Variants in COQ3 observed in about 807,000 individuals in gnomAD.
COQ3 encodes the protein coenzyme Q3, methyltransferase, also known as ubiquinone biosynthesis O-methyltransferase, mitochondrial.
COQ3 carries 29 observed loss-of-function variants against 33.1 expected under a neutral mutation model. That is an observed-to-expected ratio of 0.88 (90% confidence interval 0.65 to 1.19). COQ3 has a LOEUF of 1.19. Among genes scored for constraint, COQ3 ranks in the 50% most tolerant of loss-of-function variants. The pLI is 0.00. For missense variants in COQ3, 437 were observed against 430.7 expected, an observed-to-expected ratio of 1.01 and a Z score of -0.13; for synonymous variants, 173 against 157.8, an observed-to-expected ratio of 1.10 and a Z score of -0.72.
At chr6:99,379,971 G>A (rs1306062264) in intron 3 of COQ3, among the ~76,000 whole-genome samples, 1 of 151,970 alleles carries the variant, frequency 6.6e-6, no homozygotes, top group African/African-American at 2.4e-5. Context: ...ATACAAATAG[G>A]CTTCAAATTA....
intron 5 of COQ3, among the ~76,000 whole-genome samples, chr6:99,373,719 C>T (rs546471078): frequency 6.6e-6 from 1 of 152,240 alleles, no homozygotes; most frequent in East Asian, 1.9e-4. Flanking sequence ...GGGCTAGGCA[C>T]AGTAGCTCAC....
At chr6:99,393,742 T>C (rs1359143214) in intron 1 of COQ3, among the ~76,000 whole-genome samples, 2 of 152,224 alleles carry the variant, frequency 1.3e-5, no homozygotes, top group Admixed American at 1.3e-4. Flanking sequence ...GAGTTATTCC[T>C]GCCCCGGCAA....
chr6:99,384,851 T>A (rs1343688596), intron 1 of COQ3, among the ~76,000 whole-genome samples: 1 of 151,952 alleles, frequency 6.6e-6, no homozygotes, highest in African/African-American at 2.4e-5. Context: ...TGGCTCACGC[T>A]TGTAATCCCA....
intron 1 of COQ3, among the ~76,000 whole-genome samples, 193 bp downstream of exon 1, chr6:99,393,879 CTT>C (rs1433607234): frequency 1.3e-5 from 2 of 152,240 alleles, no homozygotes; most frequent in African/African-American, 4.8e-5. Flanking sequence ...GTCCTGAGCT[CTT>C]TTCCCCGGCG....
At chr6:99,384,793 C>T (rs1223349028) in intron 1 of COQ3, among the ~76,000 whole-genome samples, 2 of 152,046 alleles carry the variant, frequency 1.3e-5, no homozygotes, top group African/African-American at 2.4e-5. Flanking sequence ...GGATAATCCA[C>T]CAAGAAGAAA....
intron 3 of COQ3, 101 bp downstream of exon 3, chr6:99,380,088 C>T (rs1454638472): frequency 1.6e-5 from 17 of 1,055,620 alleles, no homozygotes; most frequent in Non-Finnish European, 2.3e-5. Context: ...ACTTAATGTG[C>T]AGCATTTTTT....
Position 99,369,498 on chromosome 6 carries a change from CCTT to C in COQ3, c.*99_*101del, listed in dbSNP as rs1336877316. The C allele has an allele frequency of 1.0e-6, 1 of 966,038 alleles. No individual in the cohort carries two copies. The allele number at this position is 966,038 out of a possible 1,614,324, so 59.8% of individuals were successfully genotyped here. The stretch of plus-strand genomic sequence containing the variant: ...CCAAGGTTTTAGCCCTTTTTATTGA[CCTT>C]CTTTTCTTCATGATTCTCTCTCAAA... On this transcript the variant is annotated 3_prime_UTR_variant, in exon 7 of 7. Coordinates refer to ENST00000254759, the MANE Select transcript of COQ3 (RefSeq NM_017421.4).
chr6:99,391,030 C>CA (rs1161480182), intron 1 of COQ3, among the ~76,000 whole-genome samples: 2 of 152,088 alleles, frequency 1.3e-5, no homozygotes, highest in Admixed American at 1.3e-4. Context: ...AAACCCATTA[C>CA]AATGTTCTTT....
In COQ3 at chr6:99,376,018, A is replaced by C; in HGVS notation, c.651T>G (p.Asp217Glu). The change falls in exon 5 of 7, where the codon GAT becomes GAG. Residue 217 changes from aspartate (D) to glutamate (E), a missense_variant. Physicochemically the swap from Asp to Glu is conservative, Grantham distance 45. Coordinates refer to ENST00000254759, the MANE Select transcript of COQ3 (RefSeq NM_017421.4). ...CTACAACTTCAGAAGCTACAACAGC[A>C]TCAAATGTTTCTGCAGTCTCTTCCA... ...EIVEETAETF[D>E]AVVASEVVEH... 6.2e-7 allele frequency: 1 copy of C among 1,614,064 alleles called. No homozygotes were observed. Among genetic ancestry groups the C allele is most frequent in the Non-Finnish European group, 8.5e-7 (1 of 1,179,900 alleles).
intron 1 of COQ3, among the ~76,000 whole-genome samples, chr6:99,391,224 C>T (rs1222227862): frequency 1.3e-5 from 2 of 151,586 alleles, no homozygotes; most frequent in African/African-American, 4.8e-5. Context: ...TTAGCCTATC[C>T]AGTAGCGAGG....
Position 99,369,784 on chromosome 6 carries a change from T to A in COQ3, c.926A>T (p.Tyr309Phe). The A allele has an allele frequency of 1.2e-6, 2 of 1,612,352 alleles. No individual in the cohort carries two copies. The highest frequency in any genetic ancestry group is 1.7e-6 in the Non-Finnish European group (2 of 1,179,228). ...ATGCCAGTAACCTGAGAAGGGGTTA[T>A]AGAGCATTCCTACCACTGTTTGAAC... ...LSVQTVVGMLYNPFSGYWHWS... is the reference protein window; with the variant it reads ...LSVQTVVGMLFNPFSGYWHWS... Residue 309 changes from tyrosine to phenylalanine, a missense_variant, in exon 7 of 7, where the codon TAT (tyrosine) becomes TTT (phenylalanine). Physicochemically the swap from Tyr to Phe is conservative, Grantham distance 22. Coordinates refer to ENST00000254759, the MANE Select transcript of COQ3 (RefSeq NM_017421.4).
intron 4 of COQ3, 24 bp from the exon 5 acceptor site, chr6:99,376,206 A>ACC: frequency 6.2e-7 from 1 of 1,606,696 alleles, no homozygotes; most frequent in Non-Finnish European, 8.5e-7. Flanking sequence ...AAAAACTGTT[A>ACC]CCCTCAGGAA....
intron 3 of COQ3, among the ~76,000 whole-genome samples, chr6:99,378,143 TATATATATATATA>T (rs1387147252): frequency 0.04 from 992 of 24,560 alleles, 3 homozygotes; most frequent in Non-Finnish European, 0.1. Context: ...TATATATATA[TATATATATATATA>T]TTTAGAGAGA....
chr6:99,392,629 CTT>C (rs398002413), intron 1 of COQ3, among the ~76,000 whole-genome samples: 13 of 143,208 alleles, frequency 9.1e-5, no homozygotes, highest in Admixed American at 7.0e-5. Flanking sequence ...TCTCCAACTG[CTT>C]TTTTTTTTTT....
At chr6:99,393,238 T>G (rs1446464451) in intron 1 of COQ3, among the ~76,000 whole-genome samples, 1 of 152,152 alleles carries the variant, frequency 6.6e-6, no homozygotes, top group African/African-American at 2.4e-5. Context: ...AAACTTTACT[T>G]TCTTAACACT....
intron 1 of COQ3, 68 bp downstream of exon 1, chr6:99,394,006 G>C (rs1774903459): frequency 6.2e-6 from 8 of 1,294,018 alleles, no homozygotes; most frequent in South Asian, 1.2e-5. Flanking sequence ...CCCCACCCCC[G>C]GCGCATGCGC....
Position 99,376,176 on chromosome 6 carries a change from C to T in COQ3, c.493G>A (p.Gly165Arg). The change falls in exon 5 of 7, where the codon GGG (glycine) becomes AGG (arginine). Residue 165 changes from glycine (G) to arginine (R), a missense_variant. Transcript: ENST00000254759. ...CCAATAACTGAAGCCCCAAGCCGCCCTAGAGGCTAATGGCATTAAAAAAAC... is the reference window on the plus strand; with the variant it reads ...CCAATAACTGAAGCCCCAAGCCGCCTTAGAGGCTAATGGCATTAAAAAAAC... ...CGGGLLTEPL[G>R]RLGASVIGID... 6.2e-7 allele frequency: 1 copy of T among 1,613,786 alleles called. No individual in the cohort carries two copies. The highest frequency in any genetic ancestry group is 8.5e-7 in the Non-Finnish European group (1 of 1,179,914).
intron 3 of COQ3, among the ~76,000 whole-genome samples, chr6:99,378,218 T>C (rs1774364171): frequency 6.9e-6 from 1 of 144,796 alleles, no homozygotes; most frequent in Non-Finnish European, 1.5e-5. Context: ...TATATTAAAA[T>C]AAATATTATT....
intron 1 of COQ3, 122 bp from the exon 2 acceptor site, chr6:99,383,946 G>C: frequency 1.4e-6 from 1 of 731,372 alleles, no homozygotes; most frequent in Non-Finnish European, 2.0e-6. Flanking sequence ...TGCCACCCAG[G>C]TTGGAGTGTA....
Sources: allele counts gnomAD v4.1 joint callset (sites outside exome capture counted in the v4.1 genomes callset), GRCh38; gene constraint gnomAD v4.1.1; transcripts MANE v1.5; gene names NCBI Gene and HGNC (gene_info 2026-07-23, HGNC 2026-07-21).